The following PLD1 variants were observed in gnomAD, a reference collection of about 807,000 sequenced individuals.
The protein encoded by PLD1 is choline phosphatase 1.
PLD1 carries 112 observed loss-of-function variants against 137.1 expected under a neutral mutation model. The observed-to-expected ratio is 0.82, with a 90% confidence interval of 0.70 to 0.96. PLD1 has a LOEUF of 0.96. Ranked by LOEUF, PLD1 falls within the 40% of genes least tolerant of loss-of-function variation. The probability of loss-of-function intolerance (pLI) is 0.00; values close to 1 mark genes in which losing one functional copy is unlikely to be tolerated. For missense variants in PLD1, 1,321 were observed against 1,342.0 expected, an observed-to-expected ratio of 0.98 and a Z score of 0.24; for synonymous variants, 431 against 454.7, an observed-to-expected ratio of 0.95 and a Z score of 0.66.
At chr3:171,804,344 ATAGT>A (rs1723760880) in intron 1 of PLD1, among the ~76,000 whole-genome samples, 1 of 152,244 alleles carries the variant, frequency 6.6e-6, no homozygotes, top group African/African-American at 2.4e-5. Context: ...ATTTTTAAGA[ATAGT>A]TAAATGGCAC....
In PLD1 at chr3:171,602,202, T is replaced by G. The variant is rs1473742507; in HGVS notation, c.*876A>C. 9.5e-6 allele frequency: 1 copy of G among 105,550 alleles called. No homozygotes were observed. The highest frequency in any genetic ancestry group is 3.1e-5 in the African/African-American group (1 of 32,704). The allele number at this position is 105,550 out of a possible 1,614,324, so 6.5% of individuals were successfully genotyped here. ...AATTTTACAGGACTAGAAGGAATCA[T>G]CTTCTCTTATCTGGATCTGATCCTC... is the stretch of plus-strand genomic sequence containing the variant. On this transcript the variant is annotated 3_prime_UTR_variant, in exon 27 of 27. Coordinates refer to ENST00000351298, the MANE Select transcript of PLD1 (RefSeq NM_002662.5).
At position 171,669,328 on chromosome 3, in the gene PLD1, T is replaced by C. The variant is rs150628919; in HGVS notation, c.2229+5172A>G. Among the ~76,000 whole-genome samples, 989 of 152,346 alleles carry C rather than the reference T, an allele frequency of 6.5e-3. 8 individuals carry two copies. The highest frequency in any genetic ancestry group is 0.023 in the African/African-American group (937 of 41,570). ...CTCTTTCTCCCCATTCCAATAGATT[T>C]ATGGCATAAAAATTTCTATCTAGAA... On this transcript the variant is annotated intron_variant, in intron 19 of 26. Transcript: ENST00000351298.
chr3:171,606,508 C>T (rs74910184), intron 25 of PLD1, among the ~76,000 whole-genome samples: 13 of 151,924 alleles, frequency 8.6e-5, no homozygotes, highest in African/African-American at 2.9e-4. Flanking sequence ...AGAAGAGGAC[C>T]GGGTGTATAT....
chr3:171,700,828 G>A (rs1560231083), intron 11 of PLD1, among the ~76,000 whole-genome samples: 1 of 152,140 alleles, frequency 6.6e-6, no homozygotes, highest in Non-Finnish European at 1.5e-5. Context: ...GCAGCTAAGA[G>A]TACAATAGAG....
intron 7 of PLD1, among the ~76,000 whole-genome samples, chr3:171,725,164 T>G (rs1452021130): frequency 1.3e-5 from 2 of 152,156 alleles, no homozygotes; most frequent in Non-Finnish European, 2.9e-5. Flanking sequence ...GTTGTGCACA[T>G]GTACCCTAGA....
intron 19 of PLD1, among the ~76,000 whole-genome samples, chr3:171,662,609 C>A (rs1426970102): frequency 6.6e-6 from 1 of 152,322 alleles, no homozygotes; most frequent in African/African-American, 2.4e-5. Flanking sequence ...GAGCACCCAT[C>A]TTTACTCTTA....
At position 171,644,969 on chromosome 3, in the gene PLD1, T is replaced by C. The variant is rs148528895; in HGVS notation, c.2484A>G (p.Glu828=). ...YVVIPLLPGF[E]GDISTGGGNA... Reference sequence around the variant, plus strand: ...TTCCTCCGCCGGTTGAAATGTCTCCTTCGAACCCTGGCAGAAGTGGTATCA... The same window carrying C: ...TTCCTCCGCCGGTTGAAATGTCTCCCTCGAACCCTGGCAGAAGTGGTATCA... Residue 828 remains glutamate (E), a synonymous_variant, in exon 22 of 27, where the codon GAA becomes GAG. Coordinates refer to ENST00000351298, the MANE Select transcript of PLD1 (RefSeq NM_002662.5). The C allele has an allele frequency of 1.1e-4, 173 of 1,613,932 alleles. No individual in the cohort carries two copies. The highest frequency in any genetic ancestry group is 1.3e-4 in the Non-Finnish European group (155 of 1,179,930).
intron 16 of PLD1, among the ~76,000 whole-genome samples, chr3:171,686,331 C>CA (rs1281477874): frequency 6.6e-6 from 1 of 152,098 alleles, no homozygotes; most frequent in Admixed American, 6.6e-5. Context: ...TCACCTACCC[C>CA]AATTAAATTA....
At chr3:171,739,464 A>G (rs1168495263) in intron 1 of PLD1, among the ~76,000 whole-genome samples, 3 of 152,284 alleles carry the variant, frequency 2.0e-5, no homozygotes, top group Admixed American at 6.5e-5. Flanking sequence ...TTCTTTCTCT[A>G]TGTTGCCTGT....
At chr3:171,707,883 T>C (rs1716820550) in intron 11 of PLD1, among the ~76,000 whole-genome samples, 1 of 152,186 alleles carries the variant, frequency 6.6e-6, no homozygotes, top group Non-Finnish European at 1.5e-5. Flanking sequence ...AAAAGATGTG[T>C]TTGCATTCTT....
At chr3:171,735,266 TACTA>T (rs1719266079) in intron 4 of PLD1, among the ~76,000 whole-genome samples, 1 of 152,160 alleles carries the variant, frequency 6.6e-6, no homozygotes, top group South Asian at 2.1e-4. Flanking sequence ...TAGGTAGAAC[TACTA>T]ACTATCACCA....
intron 21 of PLD1, among the ~76,000 whole-genome samples, chr3:171,650,605 A>G (rs1736650765): frequency 6.6e-6 from 1 of 152,200 alleles, no homozygotes; most frequent in South Asian, 2.1e-4. Flanking sequence ...AAATCACTGA[A>G]TTTGGCCACA....
chr3:171,800,858 C>T (rs1351355915), intron 1 of PLD1, among the ~76,000 whole-genome samples: 1 of 152,158 alleles, frequency 6.6e-6, no homozygotes, highest in East Asian at 1.9e-4. Flanking sequence ...CCTCTCTGGC[C>T]TCTTTTATAA....
At chr3:171,792,773 C>A (rs555166205) in intron 1 of PLD1, 3 of 447,442 alleles carry the variant, frequency 6.7e-6, no homozygotes, top group Non-Finnish European at 9.0e-6. Flanking sequence ...ACCCTCCCCC[C>A]AGATTTGCAA....
At position 171,603,057 on chromosome 3, in the gene PLD1, T is replaced by C; in HGVS notation, c.*21A>G. ...GTGTGGTCTCCAGGGTGGAAGTCTT[T>C]GAGCTGCCAATGAATATCTCTTAAG... On this transcript the variant is annotated 3_prime_UTR_variant, in exon 27 of 27. Transcript: ENST00000351298. 6.4e-7 allele frequency: 1 copy of C among 1,567,696 alleles called. No homozygotes were observed. The highest frequency in any genetic ancestry group is 1.1e-5 in the South Asian group (1 of 90,258).
chr3:171,788,239 C>A (rs1723083565), intron 1 of PLD1, among the ~76,000 whole-genome samples: 1 of 141,004 alleles, frequency 7.1e-6, no homozygotes, highest in Admixed American at 7.2e-5. Context: ...TTTGTGAGTG[C>A]ATCTGCACTT....
intron 24 of PLD1, among the ~76,000 whole-genome samples, chr3:171,619,750 C>A (rs1282133734): frequency 6.6e-6 from 1 of 152,022 alleles, no homozygotes; most frequent in African/African-American, 2.4e-5. Context: ...CCATTTATCC[C>A]CCACCAATCC....
chr3:171,672,846 TAG>T (rs1243699521), intron 19 of PLD1, among the ~76,000 whole-genome samples: 3 of 152,236 alleles, frequency 2.0e-5, no homozygotes, highest in Admixed American at 6.5e-5. Context: ...AAGCATTTTA[TAG>T]AGTCTCTATT....
At chr3:171,770,395 C>G (rs565433131) in intron 1 of PLD1, among the ~76,000 whole-genome samples, 2 of 152,188 alleles carry the variant, frequency 1.3e-5, no homozygotes, top group Non-Finnish European at 2.9e-5. Context: ...TTCTGGTTCA[C>G]TGAAACTCCA....
Sources: allele counts gnomAD v4.1 joint callset (sites outside exome capture counted in the v4.1 genomes callset), GRCh38; gene constraint gnomAD v4.1.1; transcripts MANE v1.5; gene names NCBI Gene and HGNC (gene_info 2026-07-23, HGNC 2026-07-21).